GLO1: variants seen among roughly 807,000 people sequenced by gnomAD.
The protein encoded by GLO1 is lactoylglutathione lyase.
GLO1 carries 28 observed loss-of-function variants against 26.0 expected under a neutral mutation model. The observed-to-expected ratio is 1.08, with a 90% CI of 0.80 to 1.48. GLO1 has a LOEUF of 1.48. Among genes scored for constraint, GLO1 ranks in the 40% most tolerant of loss-of-function variants. The pLI, the probability that GLO1 is intolerant of heterozygous loss-of-function variation, is 0.00. For missense variants in GLO1, 225 were observed against 224.8 expected (o/e 1.00, Z -0.01); for synonymous variants, 78 against 77.6 (o/e 1.00, Z -0.03).
intron 1 of GLO1, among the ~76,000 whole-genome samples, chr6:38,701,292 T>G (rs759035617): frequency 3.9e-5 from 6 of 152,290 alleles, no homozygotes; most frequent in Non-Finnish European, 7.3e-5. Flanking sequence ...AATTAAACAA[T>G]GTACTTAAAA....
chr6:38,692,868 A>G (rs1021739146), intron 1 of GLO1, among the ~76,000 whole-genome samples: 2 of 150,178 alleles, frequency 1.3e-5, no homozygotes, highest in African/African-American at 4.9e-5. Context: ...CTTGCATCCT[A>G]GATATAAACC....
chr6:38,680,617 T>TA (rs1351835880), intron 5 of GLO1, among the ~76,000 whole-genome samples: 17 of 152,278 alleles, frequency 1.1e-4, no homozygotes, highest in African/African-American at 4.1e-4. Flanking sequence ...AGGCTGGGCA[T>TA]AGTGGCTCAC....
At chr6:38,690,627 TAC>T (rs1393578231) in intron 1 of GLO1, among the ~76,000 whole-genome samples, 2 of 152,208 alleles carry the variant, frequency 1.3e-5, no homozygotes, top group Non-Finnish European at 1.5e-5. Flanking sequence ...AAATTAATGT[TAC>T]AGACTTTAAC....
Position 38,695,574 on chromosome 6 carries a change from G to T in GLO1, c.84+7397C>A, listed in dbSNP as rs530466655. The stretch of plus-strand genomic sequence containing the variant: ...ATGTGTCTCCATTGATATGGCAAGA[G>T]GGGAAAGCCTGGCAGGATGAAAGTC... On this transcript the variant is annotated intron_variant, in intron 1 of 5. Transcript: ENST00000373365. Among the ~76,000 whole-genome samples the T allele has an allele frequency of 2.0e-5, 3 of 152,214 alleles. No individual in the cohort carries two copies. The East Asian group carries it at 5.8e-4, about 29-fold the overall frequency.
chr6:38,699,790 G>C (rs2894416), intron 1 of GLO1, among the ~76,000 whole-genome samples: 7,629 of 152,124 alleles, frequency 0.05, 290 homozygotes, highest in East Asian at 0.2. Context: ...CTCGAACCCT[G>C]TTTTCTGTTG....
At chr6:38,690,454 A>G (rs1437787834) in intron 1 of GLO1, among the ~76,000 whole-genome samples, 3 of 152,216 alleles carry the variant, frequency 2.0e-5, no homozygotes, top group Non-Finnish European at 4.4e-5. Flanking sequence ...GTCGAGGTAT[A>G]TTAAATGGCA....
At chr6:38,694,097 G>A (rs1761574264) in intron 1 of GLO1, among the ~76,000 whole-genome samples, 1 of 152,080 alleles carries the variant, frequency 6.6e-6, no homozygotes, top group Non-Finnish European at 1.5e-5. Context: ...TATTTTCCCA[G>A]TGCTTGAAGA....
intron 2 of GLO1, among the ~76,000 whole-genome samples, chr6:38,685,822 A>T (rs566765512): frequency 6.6e-6 from 1 of 152,118 alleles, no homozygotes; most frequent in African/African-American, 2.4e-5. Flanking sequence ...CTTGTACCCT[A>T]TTTGGGGGCT....
intron 1 of GLO1, among the ~76,000 whole-genome samples, chr6:38,691,312 C>CTT (rs35298806): frequency 3.5e-5 from 5 of 144,190 alleles, no homozygotes; most frequent in African/African-American, 1.3e-4. Flanking sequence ...TGTAAGAAAA[C>CTT]TTTTTTTTTT....
chr6:38,686,712 G>A (rs3778443), intron 2 of GLO1, among the ~76,000 whole-genome samples, 180 bp downstream of exon 2: 7,916 of 152,276 alleles, frequency 0.052, 302 homozygotes, highest in East Asian at 0.2. Flanking sequence ...AGGCTGGCTG[G>A]GATAGAGAAG....
chr6:38,677,149 A>C lies in GLO1; in HGVS notation c.*146T>G. The C allele has an allele frequency of 5.4e-4, 321 of 598,602 alleles. No individual in the cohort carries two copies. Among genetic ancestry groups the C allele is most frequent in the East Asian group, 6.6e-4 (21 of 31,956 alleles). The allele number at this position is 598,602 out of a possible 1,614,324, so 37.1% of individuals were successfully genotyped here. On this transcript the variant is annotated 3_prime_UTR_variant, in exon 6 of 6. Transcript: ENST00000373365. ...TGACTGAACAGTTAGGTGAAAAGGA[A>C]CAGCTGAAATAGGAAGGGGAAATGG...
intron 1 of GLO1, among the ~76,000 whole-genome samples, chr6:38,688,440 A>G (rs1761485648): frequency 6.6e-6 from 1 of 152,216 alleles, no homozygotes; most frequent in African/African-American, 2.4e-5. Flanking sequence ...AATTTAAAGC[A>G]GCAAGACCAT....
chr6:38,695,883 A>T (rs1160302144), intron 1 of GLO1, among the ~76,000 whole-genome samples: 1 of 152,094 alleles, frequency 6.6e-6, no homozygotes, highest in Non-Finnish European at 1.5e-5. Flanking sequence ...TTTCCAGGTT[A>T]CTAGCTTCTT....
At chr6:38,694,633 G>C (rs940520810) in intron 1 of GLO1, among the ~76,000 whole-genome samples, 1 of 151,820 alleles carries the variant, frequency 6.6e-6, no homozygotes, top group Non-Finnish European at 1.5e-5. Context: ...GAGCTGAGAC[G>C]GCACCACTGC....
intron 1 of GLO1, among the ~76,000 whole-genome samples, chr6:38,698,359 T>C (rs768004233): frequency 7.9e-5 from 12 of 151,122 alleles, no homozygotes; most frequent in Non-Finnish European, 1.2e-4. Context: ...CTCCTTTCCA[T>C]TCCCTATTCT....
intron 1 of GLO1, among the ~76,000 whole-genome samples, chr6:38,696,244 G>C (rs1041444020): frequency 6.6e-6 from 1 of 152,154 alleles, no homozygotes; most frequent in Non-Finnish European, 1.5e-5. Flanking sequence ...GTTTGACTTT[G>C]TGTTTTCTCC....
At chr6:38,701,263 A>T (rs911616529) in intron 1 of GLO1, among the ~76,000 whole-genome samples, 2 of 152,186 alleles carry the variant, frequency 1.3e-5, no homozygotes, top group African/African-American at 2.4e-5. Context: ...CCTTCTTCAT[A>T]GGGTTGTTGT....
At chr6:38,680,587 A>G (rs576285783) in intron 5 of GLO1, among the ~76,000 whole-genome samples, 16 of 152,222 alleles carry the variant, frequency 1.1e-4, no homozygotes, top group African/African-American at 3.9e-4. Flanking sequence ...AAGAACAGAA[A>G]AATCCAAAAG....
chr6:38,701,930 T>A (rs1353454334), intron 1 of GLO1, among the ~76,000 whole-genome samples: 2 of 136,582 alleles, frequency 1.5e-5, no homozygotes, highest in African/African-American at 6.1e-5. Context: ...GTGCCTGAAT[T>A]TTTTTTTTTT....
Sources: gnomAD v4.1 joint callset for allele counts (sites outside exome capture counted in the v4.1 genomes callset) on GRCh38, gnomAD v4.1.1 for gene constraint, MANE v1.5 for transcripts, NCBI Gene and HGNC (gene_info 2026-07-23, HGNC 2026-07-21) for gene names.